The following BIN1 variants were observed in gnomAD, a reference collection of about 807,000 sequenced individuals.
The protein encoded by BIN1 is bridging integrator 1.
A neutral mutation model predicts 82.0 loss-of-function variants in BIN1; 53 were observed. That is an observed-to-expected ratio of 0.65 (90% CI 0.52 to 0.81). BIN1 has a LOEUF of 0.81. BIN1 is among the 40% of genes least tolerant of loss of function. The pLI, the probability that BIN1 is intolerant of heterozygous loss-of-function variation, is 0.00. For synonymous variants in BIN1, 302 were observed against 328.0 expected (o/e 0.92, Z 0.86); for missense variants, 642 against 784.4 (o/e 0.82, Z 2.17).
At chr2:127,080,124 G>A (rs1169054403) in intron 1 of BIN1, among the ~76,000 whole-genome samples, 6 of 152,376 alleles carry the variant, frequency 3.9e-5, no homozygotes, top group Admixed American at 1.3e-4. Flanking sequence ...ATGAGGGAAC[G>A]CAGGCAAGTG....
intron 11 of BIN1, among the ~76,000 whole-genome samples, 198 bp downstream of exon 11, chr2:127,058,813 G>C (rs1684048884): frequency 1.3e-5 from 2 of 152,168 alleles, no homozygotes; most frequent in Admixed American, 1.3e-4. Flanking sequence ...GCAAGTCACA[G>C]ATGCCTCCCG....
rs1679199197 is a variant in BIN1, at chr2:127,093,497, C to A, written c.84+13363G>T. Among the ~76,000 whole-genome samples the A allele has an allele frequency of 6.6e-6, 1 of 152,192 alleles. No individual in the cohort carries two copies. The highest frequency in any genetic ancestry group is 1.5e-5 in the Non-Finnish European group (1 of 68,034). ...GCGCTGTATGTGGGAGGAAGCCACA[C>A]AACACAGAGAGGCCGGAAAGAAGCC... is the stretch of plus-strand genomic sequence containing the variant. On this transcript the variant is annotated intron_variant, in intron 1 of 18. Coordinates refer to ENST00000316724, the MANE Select transcript of BIN1 (RefSeq NM_139343.3). This position sits in a 1 kb window ranked among gnomAD's most constrained non-coding sequence, Gnocchi z 5.7.
At chr2:127,064,449 C>T (rs1212673115) in intron 7 of BIN1, among the ~76,000 whole-genome samples, 1 of 152,210 alleles carries the variant, frequency 6.6e-6, no homozygotes, top group African/African-American at 2.4e-5. Context: ...GCTCTCAGGG[C>T]AGCATCTGTC....
intron 2 of BIN1, among the ~76,000 whole-genome samples, chr2:127,074,982 T>A (rs771566656): frequency 2.6e-5 from 4 of 152,162 alleles, no homozygotes; most frequent in Non-Finnish European, 5.9e-5. Context: ...ATTACAGGCG[T>A]GAGCTACAGT....
At chr2:127,074,555 G>A (rs1231845770) in intron 2 of BIN1, among the ~76,000 whole-genome samples, 1 of 152,216 alleles carries the variant, frequency 6.6e-6, no homozygotes, top group Non-Finnish European at 1.5e-5. Context: ...GTGAGTGACT[G>A]TTTGCCCAGA....
Position 127,057,233 on chromosome 2 carries a change from C to T in BIN1, c.1131+240G>A, listed in dbSNP as rs919060495. ...GGCGCTGCTGATGTAACTGCTGCGCCGGGAGAGGCGGCACCTTCCCCTCTG... is the reference window on the plus strand; with the variant it reads ...GGCGCTGCTGATGTAACTGCTGCGCTGGGAGAGGCGGCACCTTCCCCTCTG... On this transcript the variant is annotated intron_variant, in intron 12 of 18. Coordinates refer to ENST00000316724, the MANE Select transcript of BIN1 (RefSeq NM_139343.3). The surrounding 1 kb of genome is among the most constrained non-coding windows in gnomAD (Gnocchi z 5.0). Among the ~76,000 whole-genome samples the T allele has an allele frequency of 3.9e-5, 6 of 152,214 alleles. No homozygotes were observed. Among genetic ancestry groups the T allele is most frequent in the Admixed American group, 1.3e-4 (2 of 15,290 alleles).
Position 127,048,489 on chromosome 2 carries a change from G to A in BIN1, c.*37C>T, listed in dbSNP as rs960689556. 2.5e-6 allele frequency: 4 copies of A among 1,585,010 alleles called. No homozygotes were observed. In the African/African-American group the frequency reaches 4.0e-5, roughly 16 times the overall value. ...AACCACACATTTTTCGGGAGGAGGT[G>A]TTCTTCACACGCCCGGAGGCTGCCT... On this transcript the variant is annotated 3_prime_UTR_variant, in exon 19 of 19. Transcript: ENST00000316724.
At chr2:127,058,975 A>G in intron 11 of BIN1, 36 bp downstream of exon 11, 1 of 1,551,648 alleles carries the variant, frequency 6.4e-7, no homozygotes, top group Non-Finnish European at 8.7e-7. Flanking sequence ...AGAAGGAGGG[A>G]GGGCAGGGGA....
chr2:127,101,455 T>A (rs1680342735), intron 1 of BIN1, among the ~76,000 whole-genome samples: 1 of 152,010 alleles, frequency 6.6e-6, no homozygotes, highest in African/African-American at 2.4e-5. Context: ...ATGCAGAAAG[T>A]CCTGAGGGCA....
At chr2:127,102,703 C>G (rs958599337) in intron 1 of BIN1, among the ~76,000 whole-genome samples, 3 of 152,248 alleles carry the variant, frequency 2.0e-5, no homozygotes, top group Admixed American at 2.0e-4. Context: ...TCCAACCTCC[C>G]ATGCCCACAC....
rs1345109026 is a variant in BIN1 at position 127,106,929 on chromosome 2, GC to G, written c.14del (p.Gly5AlafsTer5). MAEM[G>X]SKGVTAGKIA... is the part of the protein sequence containing the mutation. ...TCTTTCCCGCCGTCACCCCTTTACT[GC>G]CCATCTCTGCCATCGCGGCGCAGGC... On this transcript the variant is annotated frameshift_variant, in exon 1 of 19. Transcript: ENST00000316724. LOFTEE classifies it high-confidence loss of function. 1 of 1,612,024 alleles carries G rather than the reference GC, an allele frequency of 6.2e-7. No individual in the cohort carries two copies.
intron 1 of BIN1, among the ~76,000 whole-genome samples, chr2:127,106,480 G>C (rs1681146971): frequency 6.6e-6 from 1 of 152,200 alleles, no homozygotes; most frequent in African/African-American, 2.4e-5. Context: ...GCATGGGCCT[G>C]GAGAGCTGAG....
At chr2:127,070,459 A>G in intron 4 of BIN1, 94 bp downstream of exon 4, 2 of 1,474,164 alleles carry the variant, frequency 1.4e-6, no homozygotes, top group Non-Finnish European at 1.9e-6. Flanking sequence ...CCCGAGAACC[A>G]GAGAGGCTTG....
chr2:127,096,046 G>T (rs1347405989), intron 1 of BIN1, among the ~76,000 whole-genome samples: 3 of 152,274 alleles, frequency 2.0e-5, no homozygotes, highest in East Asian at 3.9e-4. Context: ...TACATAGCAG[G>T]TTCCTCCAGT....
intron 1 of BIN1, among the ~76,000 whole-genome samples, chr2:127,103,818 C>T (rs990776073): frequency 3.9e-5 from 6 of 152,234 alleles, no homozygotes; most frequent in Non-Finnish European, 8.8e-5. Flanking sequence ...AAAATGGACA[C>T]AATCATTTAT....
intron 12 of BIN1, 130 bp from the exon 13 acceptor site, chr2:127,054,142 C>T: frequency 1.4e-6 from 1 of 733,566 alleles, no homozygotes; most frequent in Non-Finnish European, 2.4e-6. Context: ...GCATGCAGAG[C>T]AAGCGCACAT....
Position 127,062,102 on chromosome 2 carries a change from TC to T in BIN1, c.857+12del. The T allele has an allele frequency of 1.9e-6, 3 of 1,597,494 alleles. No individual in the cohort carries two copies. The highest frequency in any genetic ancestry group is 1.7e-6 in the Non-Finnish European group (2 of 1,172,626). Reference sequence around the variant, plus strand: ...CACACAGTCAGGGGCGCCAGGGCTCTCCCCGCACGCACCTGGGCTGGGCCTT... The same window carrying T: ...CACACAGTCAGGGGCGCCAGGGCTCTCCCGCACGCACCTGGGCTGGGCCTT... On this transcript the variant is annotated intron_variant, in intron 10 of 18. Transcript: ENST00000316724.
At position 127,067,621 on chromosome 2, in the gene BIN1, C is replaced by T. The variant is rs1391858647; in HGVS notation, c.612+542G>A. Among the ~76,000 whole-genome samples, 1 of 152,194 alleles carries T rather than the reference C, an allele frequency of 6.6e-6. No individual in the cohort carries two copies. The highest frequency in any genetic ancestry group is 1.5e-5 in the Non-Finnish European group (1 of 68,036). ...CCCAGTAACTCCTCCAGAGTCACCA[C>T]GGGGACCACAAGTCCGAGGAAAATG... On this transcript the variant is annotated intron_variant, in intron 7 of 18. Transcript: ENST00000316724. This position sits in a 1 kb window ranked among gnomAD's most constrained non-coding sequence, Gnocchi z 4.7.
rs1219304489 is a variant in BIN1, at chr2:127,068,507, C to T, written c.520-252G>A. Among the ~76,000 whole-genome samples, 1 of 152,170 alleles carries T rather than the reference C, an allele frequency of 6.6e-6. No individual in the cohort carries two copies. Among genetic ancestry groups the T allele is most frequent in the Non-Finnish European group, 1.5e-5 (1 of 68,022 alleles). On this transcript the variant is annotated intron_variant, in intron 6 of 18. Coordinates refer to ENST00000316724, the MANE Select transcript of BIN1 (RefSeq NM_139343.3). This position sits in a 1 kb window ranked among gnomAD's most constrained non-coding sequence, Gnocchi z 4.9. ...GGGGCCCAGCAAGCACGGCCCTGCC[C>T]GGAGGACGGGGCCACCCCAGCCCCT...
Sources: allele counts gnomAD v4.1 joint callset (sites outside exome capture counted in the v4.1 genomes callset), GRCh38; gene constraint gnomAD v4.1.1; non-coding constraint Gnocchi (gnomAD v3.1); transcripts MANE v1.5; gene names NCBI Gene and HGNC (gene_info 2026-07-23, HGNC 2026-07-21).